The following USP6NL variants were observed in gnomAD, a reference collection of about 807,000 sequenced individuals.
USP6NL encodes the protein USP6 N-terminal-like protein.
Under a neutral mutation model 61.9 loss-of-function variants are expected in USP6NL, and 26 were observed. The observed-to-expected ratio is 0.42, with a 90% confidence interval of 0.31 to 0.58. USP6NL has a LOEUF of 0.58. USP6NL is among the 20% of genes least tolerant of loss of function. The pLI is 0.16. For synonymous variants in USP6NL, 432 were observed against 390.1 expected (o/e 1.11, Z -1.27); for missense variants, 1,114 against 1,034.3 (o/e 1.08, Z -1.06).
rs1835194391 is a variant in USP6NL, at chr10:11,521,279, T to G, written c.156-2705A>C. Among the ~76,000 whole-genome samples the G allele has an allele frequency of 2.0e-5, 3 of 148,906 alleles. No individual in the cohort carries two copies. The South Asian group carries it at 6.3e-4, about 31-fold the overall frequency. On this transcript the variant is annotated intron_variant, in intron 4 of 14. Transcript: ENST00000609104. The stretch of plus-strand genomic sequence containing the variant: ...TTTATAGGATTGGTAGAAAGAGTTC[T>G]CAAGCCTTTGTAATCAAAATTATAT...
At chr10:11,508,128 C>G (rs1834539925) in intron 6 of USP6NL, among the ~76,000 whole-genome samples, 2 of 152,184 alleles carry the variant, frequency 1.3e-5, no homozygotes, top group Non-Finnish European at 2.9e-5. Flanking sequence ...CAACAGTTAA[C>G]TCAGTTGTGT....
intron 2 of USP6NL, among the ~76,000 whole-genome samples, chr10:11,552,522 AG>A (rs1836531077): frequency 1.3e-5 from 2 of 152,358 alleles, no homozygotes; most frequent in Admixed American, 1.3e-4. Context: ...GCCTACGGAT[AG>A]GGGTGGCTGT....
chr10:11,586,702 A>G (rs1022472658), intron 2 of USP6NL, among the ~76,000 whole-genome samples: 1 of 152,190 alleles, frequency 6.6e-6, no homozygotes, highest in Non-Finnish European at 1.5e-5. Context: ...GTTAACAACA[A>G]GAAAAGGGGG....
At chr10:11,580,378 T>C (rs1837711022) in intron 2 of USP6NL, among the ~76,000 whole-genome samples, 1 of 152,216 alleles carries the variant, frequency 6.6e-6, no homozygotes, top group Non-Finnish European at 1.5e-5. Context: ...ATTATGACAG[T>C]AATTTTATAT....
intron 2 of USP6NL, among the ~76,000 whole-genome samples, chr10:11,551,309 G>T (rs537662630): frequency 6.6e-6 from 1 of 152,120 alleles, no homozygotes; most frequent in East Asian, 1.9e-4. Flanking sequence ...CTGATAACAC[G>T]AAACAATGCA....
rs1838368165 is a variant in USP6NL, at chr10:11,597,507, C to T, written c.4+124G>A. Reference sequence around the variant, plus strand: ...GACAAGCGCAGAGTGCTGGGTGGAACCACATTCAAACTCTGAATAAGTGAC... The same window carrying T: ...GACAAGCGCAGAGTGCTGGGTGGAATCACATTCAAACTCTGAATAAGTGAC... On this transcript the variant is annotated intron_variant, in intron 2 of 14. Coordinates refer to ENST00000609104, the MANE Select transcript of USP6NL (RefSeq NM_014688.5). The surrounding 1 kb of genome is among the most constrained non-coding windows in gnomAD (Gnocchi z 4.6). 1 of 1,002,436 alleles carries T rather than the reference C, an allele frequency of 1.0e-6. No individual in the cohort carries two copies. Among genetic ancestry groups the T allele is most frequent in the African/African-American group, 1.6e-5 (1 of 62,346 alleles). The allele number at this position is 1,002,436 out of a possible 1,614,324, so 62.1% of individuals were successfully genotyped here. A position where few individuals can be genotyped will look rare whatever the true frequency, so the allele number is the denominator to read the frequency against.
intron 6 of USP6NL, among the ~76,000 whole-genome samples, chr10:11,505,724 T>G (rs1834401387): frequency 6.6e-6 from 1 of 152,218 alleles, no homozygotes; most frequent in South Asian, 2.1e-4. Context: ...AGTACCTTTT[T>G]CTAAACCTTG....
In USP6NL at chr10:11,485,791, T is replaced by G. The variant is rs1833439523; in HGVS notation, c.759+26A>C. ...TTTTTTTGGGGGGTGGGTAGGTGGG[T>G]GTAAGTCAGTGGCACATCTACCTAC... On this transcript the variant is annotated intron_variant, in intron 11 of 14. Transcript: ENST00000609104. This position sits in a 1 kb window ranked among gnomAD's most constrained non-coding sequence, Gnocchi z 4.8. 2 of 1,487,640 alleles carry G rather than the reference T, an allele frequency of 1.3e-6. No individual in the cohort carries two copies. Among genetic ancestry groups the G allele is most frequent in the Non-Finnish European group, 1.8e-6 (2 of 1,099,000 alleles). 92.2% of individuals were successfully genotyped at this position (1,487,640 alleles called of 1,614,324 possible).
At position 11,462,920 on chromosome 10, in the gene USP6NL, G is replaced by A. The variant is rs772651094; in HGVS notation, c.2008C>T (p.Pro670Ser). ...PGTQLNPSRR[P>S]HGSTLSVSAS... is the part of the protein sequence containing the mutation. Reference sequence around the variant, plus strand: ...CTGACGGAAAGAGTAGAACCATGAGGTCTCCTGGAAGGATTCAGTTGAGTC... The same window carrying A: ...CTGACGGAAAGAGTAGAACCATGAGATCTCCTGGAAGGATTCAGTTGAGTC... Residue 670 changes from proline (P) to serine (S), a missense_variant, in exon 15 of 15, where the codon CCT becomes TCT. Transcript: ENST00000609104. 8 of 1,613,444 alleles carry A rather than the reference G, an allele frequency of 5.0e-6. No individual in the cohort carries two copies. The Admixed American group carries it at 5.0e-5, about 10-fold the overall frequency.
In USP6NL at chr10:11,560,076, G is replaced by A. The variant is rs527492818; in HGVS notation, c.5-32509C>T. 4.6e-5 allele frequency among the ~76,000 whole-genome samples: 7 copies of A among 152,184 alleles called. No homozygotes were observed. In the East Asian group the frequency reaches 1.2e-3, roughly 25 times the overall value. The stretch of plus-strand genomic sequence containing the variant: ...ACGTTGTCCAAGTTTTCTACACTGA[G>A]AATAATAATTCCATAAAAATAAAAT... On this transcript the variant is annotated intron_variant, in intron 2 of 14. Transcript: ENST00000609104.
intron 2 of USP6NL, among the ~76,000 whole-genome samples, chr10:11,544,116 T>A (rs574061079): frequency 6.6e-6 from 1 of 152,234 alleles, no homozygotes; most frequent in Admixed American, 6.5e-5. Context: ...CGGCCCAATA[T>A]TTAGGTTTCT....
rs992258224 is a variant in USP6NL at position 11,474,803 on chromosome 10, T to C, written c.1078+6967A>G. On this transcript the variant is annotated intron_variant, in intron 14 of 14. Transcript: ENST00000609104. The surrounding 1 kb of genome is among the most constrained non-coding windows in gnomAD (Gnocchi z 4.9). ...AAAGCATTTAGCAAAAAATCTATCA[T>C]AGAAGACTCAGTTTGCTGTTATCAT... 2.6e-5 allele frequency among the ~76,000 whole-genome samples: 4 copies of C among 152,208 alleles called. No individual in the cohort carries two copies. Among genetic ancestry groups the C allele is most frequent in the Admixed American group, 6.5e-5 (1 of 15,278 alleles).
intron 2 of USP6NL, among the ~76,000 whole-genome samples, chr10:11,569,263 G>C (rs1407399255): frequency 6.6e-6 from 1 of 152,024 alleles, no homozygotes; most frequent in Non-Finnish European, 1.5e-5. Context: ...ATATCTGAAA[G>C]GGTTCATTTT....
chr10:11,578,618 AT>A lies in USP6NL; in HGVS notation c.4+19012del, dbSNP rs540517613. Among the ~76,000 whole-genome samples, 612 of 152,268 alleles carry A rather than the reference AT, an allele frequency of 4.0e-3. 1 individual carries two copies. The highest frequency in any genetic ancestry group is 6.2e-3 in the Non-Finnish European group (424 of 68,032). On this transcript the variant is annotated intron_variant, in intron 2 of 14. Coordinates refer to ENST00000609104, the MANE Select transcript of USP6NL (RefSeq NM_014688.5). ...GAGTGAGACTCTATCTCTAAAAAAA[AT>A]AAATCAAAATTATTTTTTAAAATTT... is the stretch of plus-strand genomic sequence containing the variant.
At chr10:11,610,667 G>T (rs12269415) in intron 1 of USP6NL, among the ~76,000 whole-genome samples, 1,717 of 150,510 alleles carry the variant, frequency 0.011, 37 homozygotes, top group African/African-American at 0.039. Flanking sequence ...CAATCACTGG[G>T]TACGGCCCTA....
At chr10:11,464,957 C>T (rs543427842) in intron 14 of USP6NL, among the ~76,000 whole-genome samples, 1 of 152,294 alleles carries the variant, frequency 6.6e-6, no homozygotes, top group South Asian at 2.1e-4. Context: ...TTATTCAGCA[C>T]ATCAGGTTAA....
chr10:11,536,574 C>T (rs190744378), intron 2 of USP6NL, among the ~76,000 whole-genome samples: 2 of 152,274 alleles, frequency 1.3e-5, no homozygotes, highest in East Asian at 1.9e-4. Flanking sequence ...CTTAAAAACC[C>T]GCTTGTAACT....
In USP6NL at chr10:11,600,729, G is replaced by C. The variant is rs968313767; in HGVS notation, c.-83-3012C>G. On this transcript the variant is annotated intron_variant, in intron 1 of 14. Transcript: ENST00000609104. The surrounding 1 kb of genome is among the most constrained non-coding windows in gnomAD (Gnocchi z 4.1). Reference sequence around the variant, plus strand: ...TCACGCCTGTAATCCCAGCACTTTGGGAGGCCGAGGCGGGTGGATCACGAG... The same window carrying C: ...TCACGCCTGTAATCCCAGCACTTTGCGAGGCCGAGGCGGGTGGATCACGAG... Among the ~76,000 whole-genome samples the C allele has an allele frequency of 2.6e-5, 4 of 152,166 alleles. No individual in the cohort carries two copies. Among genetic ancestry groups the C allele is most frequent in the African/African-American group, 9.7e-5 (4 of 41,428 alleles).
At chr10:11,515,361 T>C (rs536632261) in intron 5 of USP6NL, among the ~76,000 whole-genome samples, 15 of 152,344 alleles carry the variant, frequency 9.8e-5, no homozygotes, top group Admixed American at 9.8e-4. Context: ...CAGATTCAAG[T>C]CTTCAGATGC....
Sources: allele counts gnomAD v4.1 joint callset (sites outside exome capture counted in the v4.1 genomes callset), GRCh38; gene constraint gnomAD v4.1.1; non-coding constraint Gnocchi (gnomAD v3.1); transcripts MANE v1.5; gene names NCBI Gene and HGNC (gene_info 2026-07-23, HGNC 2026-07-21).